Variants in ANKS1B observed in about 807,000 individuals in gnomAD.
ANKS1B encodes ankyrin repeat and sterile alpha motif domain-containing protein 1B.
ANKS1B carries 36 observed loss-of-function variants against 148.3 expected under a neutral mutation model. The ratio of observed to expected loss-of-function variants is 0.24; its 90% confidence interval spans 0.19 to 0.32. The LOEUF is 0.32. Among genes scored for constraint, ANKS1B ranks in the 10% least tolerant of loss-of-function variants. The pLI is 1.00. For synonymous variants in ANKS1B, 542 were observed against 560.8 expected (o/e 0.97, Z 0.47); for missense variants, 1,157 against 1,542.6 (o/e 0.75, Z 4.19).
At chr12:99,199,758 C>T (rs142029595) in intron 14 of ANKS1B, among the ~76,000 whole-genome samples, 1 of 152,236 alleles carries the variant, frequency 6.6e-6, no homozygotes, top group Non-Finnish European at 1.5e-5. Context: ...AAGCTATCTG[C>T]CATCCTTCAG....
At chr12:99,264,956 G>C (rs1054125590) in intron 12 of ANKS1B, among the ~76,000 whole-genome samples, 10 of 152,056 alleles carry the variant, frequency 6.6e-5, no homozygotes, top group Non-Finnish European at 1.3e-4. Context: ...GCCTAGTGTA[G>C]GGCTGTTCAG....
intron 14 of ANKS1B, among the ~76,000 whole-genome samples, chr12:99,240,469 C>G (rs763297668): frequency 6.6e-5 from 10 of 152,136 alleles, no homozygotes; most frequent in Admixed American, 2.6e-4. Flanking sequence ...TAATGATAGA[C>G]TTTAACACCC....
intron 15 of ANKS1B, among the ~76,000 whole-genome samples, chr12:99,088,838 G>GTTTTTTTTTTTTTT (rs386377539): frequency 1.0e-4 from 7 of 69,846 alleles, no homozygotes; most frequent in Admixed American, 4.8e-4. Flanking sequence ...TTTAACTTCT[G>GTTTTTTTTTTTTTT]TTTTTTTTTT....
intron 9 of ANKS1B, among the ~76,000 whole-genome samples, chr12:99,520,772 C>T (rs1183201239): frequency 2.0e-5 from 3 of 151,904 alleles, no homozygotes; most frequent in Admixed American, 1.3e-4. Flanking sequence ...CTTTTGCTTC[C>T]TCTGACTGTG....
intron 17 of ANKS1B, among the ~76,000 whole-genome samples, chr12:98,928,633 A>G (rs908645258): frequency 2.0e-5 from 3 of 152,018 alleles, no homozygotes; most frequent in African/African-American, 7.2e-5. Context: ...TAACATACAA[A>G]CATAAATCAT....
chr12:99,058,312 T>G (rs2041002517), intron 16 of ANKS1B, among the ~76,000 whole-genome samples: 1 of 151,046 alleles, frequency 6.6e-6, no homozygotes. Flanking sequence ...GGTGCAATCT[T>G]GGCTCACTGC....
intron 17 of ANKS1B, among the ~76,000 whole-genome samples, chr12:98,905,079 C>A (rs1000737779): frequency 1.3e-5 from 2 of 152,030 alleles, no homozygotes; most frequent in Non-Finnish European, 2.9e-5. Context: ...TAACAACAAC[C>A]CAGAAGGCTA....
chr12:99,823,081 T>C (rs1047451659), intron 2 of ANKS1B, among the ~76,000 whole-genome samples: 4 of 152,202 alleles, frequency 2.6e-5, no homozygotes, highest in African/African-American at 7.2e-5. Flanking sequence ...TGGCCACTTG[T>C]ATATCTTCTT....
At chr12:99,659,779 C>T (rs2098467315) in intron 8 of ANKS1B, among the ~76,000 whole-genome samples, 1 of 152,054 alleles carries the variant, frequency 6.6e-6, no homozygotes, top group African/African-American at 2.4e-5. Flanking sequence ...CCCTATTTTA[C>T]AAGTGAAAAA....
At chr12:99,787,557 G>C (rs953767760) in intron 4 of ANKS1B, among the ~76,000 whole-genome samples, 4 of 152,226 alleles carry the variant, frequency 2.6e-5, no homozygotes, top group African/African-American at 9.6e-5. Flanking sequence ...ATGAAGGACA[G>C]AGCAAAATTG....
chr12:98,851,825 A>G (rs922087938), intron 17 of ANKS1B, among the ~76,000 whole-genome samples: 1 of 151,988 alleles, frequency 6.6e-6, no homozygotes, highest in African/African-American at 2.4e-5. Context: ...AGAGATCGAG[A>G]GCATCCTGGC....
chr12:99,758,307 C>T (rs1386132536), intron 8 of ANKS1B, among the ~76,000 whole-genome samples: 1 of 151,882 alleles, frequency 6.6e-6, no homozygotes, highest in African/African-American at 2.4e-5. Context: ...CAATAGGAAA[C>T]AGTGAGAGAC....
At chr12:99,795,813 C>G (rs1391717933) in intron 4 of ANKS1B, among the ~76,000 whole-genome samples, 2 of 151,992 alleles carry the variant, frequency 1.3e-5, no homozygotes, top group Non-Finnish European at 2.9e-5. Context: ...TCCACAAATT[C>G]AAGGCCTTTT....
chr12:99,323,358 T>A (rs2085683340), intron 12 of ANKS1B, among the ~76,000 whole-genome samples: 1 of 152,182 alleles, frequency 6.6e-6, no homozygotes, highest in Non-Finnish European at 1.5e-5. Flanking sequence ...GCAGCCATAT[T>A]CATTTTATGT....
At chr12:99,294,473 T>C (rs2080539172) in intron 12 of ANKS1B, among the ~76,000 whole-genome samples, 1 of 152,096 alleles carries the variant, frequency 6.6e-6, no homozygotes, top group Non-Finnish European at 1.5e-5. Flanking sequence ...AGCTAAAATT[T>C]AGAACAATTG....
At chr12:99,840,617 T>A (rs1241305496) in intron 1 of ANKS1B, among the ~76,000 whole-genome samples, 1 of 152,044 alleles carries the variant, frequency 6.6e-6, no homozygotes, top group Admixed American at 6.6e-5. Flanking sequence ...GGAAACAGAA[T>A]TTGCTGACAA....
chr12:99,872,265 T>C (rs766618247), intron 1 of ANKS1B, among the ~76,000 whole-genome samples: 20 of 152,122 alleles, frequency 1.3e-4, no homozygotes, highest in Non-Finnish European at 2.1e-4. Context: ...TGTGTGTGTA[T>C]ACCAGTTAGA....
chr12:99,486,305 G>A lies in ANKS1B; in HGVS notation c.1438+18171C>T, dbSNP rs190437883. 2.6e-4 allele frequency among the ~76,000 whole-genome samples: 40 copies of A among 151,946 alleles called. 2 individuals carry two copies. Among genetic ancestry groups the A allele is most frequent in the Admixed American group, 2.4e-3 (36 of 15,252 alleles). Reference sequence around the variant, plus strand: ...ACTTTCAGGGGTGAAGACTCTGTAAGATTTCCTTGGTTATAGTCTTTGCAT... The same window carrying A: ...ACTTTCAGGGGTGAAGACTCTGTAAAATTTCCTTGGTTATAGTCTTTGCAT... On this transcript the variant is annotated intron_variant, in intron 10 of 26. Coordinates refer to ENST00000683438, the MANE Select transcript of ANKS1B (RefSeq NM_001352186.2).
chr12:99,398,930 T>G (rs981221051), intron 12 of ANKS1B, among the ~76,000 whole-genome samples: 6 of 152,148 alleles, frequency 3.9e-5, no homozygotes, highest in African/African-American at 1.4e-4. Context: ...AAATAAAACA[T>G]TTAAAATTAA....
Sources: allele counts gnomAD v4.1 joint callset (sites outside exome capture counted in the v4.1 genomes callset), GRCh38; gene constraint gnomAD v4.1.1; transcripts MANE v1.5; gene names NCBI Gene and HGNC (gene_info 2026-07-23, HGNC 2026-07-21).